The following ASTN1 variants were observed in gnomAD, a reference collection of about 807,000 sequenced individuals.
The protein encoded by ASTN1 is astrotactin-1.
In ASTN1, 41 loss-of-function variants were observed where a neutral mutation model predicts 140.7. That is an observed-to-expected ratio of 0.29 (90% confidence interval 0.23 to 0.38). ASTN1 has a LOEUF of 0.38. Among genes scored for constraint, ASTN1 ranks in the 10% least tolerant of loss-of-function variants. The pLI is 1.00. For missense variants in ASTN1, 1,479 were observed against 1,678.8 expected, an observed-to-expected ratio of 0.88 and a Z score of 2.08; for synonymous variants, 640 against 652.2, an observed-to-expected ratio of 0.98 and a Z score of 0.29.
chr1:176,867,349 G>T (rs1197794123), intron 22 of ASTN1, among the ~76,000 whole-genome samples: 1 of 152,082 alleles, frequency 6.6e-6, no homozygotes, highest in Non-Finnish European at 1.5e-5. Flanking sequence ...AGGAAAGGAG[G>T]GGGTGGAGAG....
At chr1:177,028,251 G>C (rs960677256) in intron 5 of ASTN1, among the ~76,000 whole-genome samples, 1 of 152,232 alleles carries the variant, frequency 6.6e-6, no homozygotes, top group Middle Eastern at 3.4e-3. Flanking sequence ...CTTTGATTAG[G>C]CCTGGATTAG....
chr1:177,088,818 A>G (rs1045818450), intron 1 of ASTN1, among the ~76,000 whole-genome samples: 2 of 152,132 alleles, frequency 1.3e-5, no homozygotes, highest in African/African-American at 4.8e-5. Flanking sequence ...ATATGCAAAC[A>G]CATATGGAGT....
chr1:176,876,561 C>G lies in ASTN1; in HGVS notation c.3439G>C (p.Val1147Leu). 6.2e-7 allele frequency: 1 copy of G among 1,614,162 alleles called. No homozygotes were observed. Among genetic ancestry groups the G allele is most frequent in the Non-Finnish European group, 8.5e-7 (1 of 1,180,018 alleles). Reference protein sequence around the residue: ...SDVIVKTPCPVVDDVKAQEIA... With the variant: ...SDVIVKTPCPLVDDVKAQEIA... ...CCTTGAGCCTTGACATCATCCACCA[C>G]GGGGCATGGGGTCTTCACGATCACG... Residue 1147 changes from valine to leucine, a missense_variant, in exon 21 of 23, where the codon GTG becomes CTG. Val to Leu is a conservative substitution (Grantham distance 32). Transcript: ENST00000361833.
chr1:177,020,059 G>C (rs890246235), intron 7 of ASTN1, among the ~76,000 whole-genome samples: 3 of 151,962 alleles, frequency 2.0e-5, no homozygotes, highest in African/African-American at 7.3e-5. Context: ...TTAATTTTTT[G>C]TATTTTTATT....
intron 8 of ASTN1, among the ~76,000 whole-genome samples, chr1:176,991,569 C>T (rs1252164714): frequency 1.3e-5 from 2 of 151,746 alleles, no homozygotes; most frequent in Admixed American, 6.6e-5. Flanking sequence ...AGGAGCCAGG[C>T]GACCTGATCG....
intron 4 of ASTN1, 53 bp from the exon 5 acceptor site, chr1:177,029,794 C>T (rs56297461): frequency 0.17 from 249,642 of 1,505,668 alleles, 22,276 homozygotes; most frequent in East Asian, 0.23. Context: ...GGTTTCATGA[C>T]ACCAAACCTT....
chr1:177,032,770 C>G lies in ASTN1; in HGVS notation c.551G>C (p.Arg184Pro), dbSNP rs534360400. ...LYTRRRWCKR[R>P]RVPQPQKSAS... is the part of the protein sequence containing the mutation. ...ACTCTTCTGGGGCTGCGGGACCCGG[C>G]GGCGTTTGCACCAGCGCCGGCGAGT... The change falls in exon 3 of 23, where the codon CGC becomes CCC. Residue 184 changes from arginine to proline, a missense_variant. Coordinates refer to ENST00000361833, the MANE Select transcript of ASTN1 (RefSeq NM_004319.3). The G allele has an allele frequency of 5.6e-6, 9 of 1,613,316 alleles. No homozygotes were observed. The highest frequency in any genetic ancestry group is 7.6e-6 in the Non-Finnish European group (9 of 1,180,006).
chr1:177,075,645 CTTTTT>C (rs5778927), intron 1 of ASTN1, among the ~76,000 whole-genome samples: 43 of 99,540 alleles, frequency 4.3e-4, no homozygotes, highest in South Asian at 3.1e-3. Flanking sequence ...CTTTTCTTTT[CTTTTT>C]TTTTTTTTTT....
chr1:176,959,065 T>C (rs908148455), intron 9 of ASTN1, among the ~76,000 whole-genome samples: 2 of 152,046 alleles, frequency 1.3e-5, no homozygotes, highest in African/African-American at 2.4e-5. Flanking sequence ...ACCCACACCA[T>C]TGGCTAAAGG....
chr1:177,005,350 A>G (rs1271308514), intron 8 of ASTN1, among the ~76,000 whole-genome samples: 5 of 152,236 alleles, frequency 3.3e-5, no homozygotes, highest in Non-Finnish European at 7.3e-5. Context: ...GATGTGGTGA[A>G]AAAGGAATGC....
intron 1 of ASTN1, among the ~76,000 whole-genome samples, chr1:177,139,542 T>A (rs1302157174): frequency 6.6e-6 from 1 of 152,236 alleles, no homozygotes; most frequent in African/African-American, 2.4e-5. Flanking sequence ...GAAGGCAGCC[T>A]TGTTAGAGCA....
chr1:177,000,483 G>C (rs1230046429), intron 8 of ASTN1, among the ~76,000 whole-genome samples: 1 of 152,158 alleles, frequency 6.6e-6, no homozygotes, highest in Non-Finnish European at 1.5e-5. Context: ...GAAGAGAAGA[G>C]CCAGCAGAGA....
intron 7 of ASTN1, among the ~76,000 whole-genome samples, chr1:177,022,320 A>G (rs957808965): frequency 4.6e-5 from 7 of 152,192 alleles, no homozygotes; most frequent in Admixed American, 1.3e-4. Flanking sequence ...AACTCCAGCA[A>G]CGTTTAGCTT....
Position 177,037,627 on chromosome 1 carries a change from G to A in ASTN1, c.472-4778C>T, listed in dbSNP as rs761642068. 5.9e-5 allele frequency among the ~76,000 whole-genome samples: 9 copies of A among 152,318 alleles called. No homozygotes were observed. The South Asian group carries it at 1.2e-3, about 21-fold the overall frequency. On this transcript the variant is annotated intron_variant, in intron 2 of 22. Coordinates refer to ENST00000361833, the MANE Select transcript of ASTN1 (RefSeq NM_004319.3). ...TCTGGATTCAGGCAACAAGTAACAA[G>A]TTGTAAACTCTGAACATTAAAAAAG... is the stretch of plus-strand genomic sequence containing the variant.
chr1:177,026,542 G>A (rs1023809043), intron 5 of ASTN1, among the ~76,000 whole-genome samples: 4 of 152,066 alleles, frequency 2.6e-5, no homozygotes, highest in African/African-American at 9.7e-5. Context: ...GGGATTGCTG[G>A]GTCATATGGC....
intron 1 of ASTN1, among the ~76,000 whole-genome samples, chr1:177,077,336 C>A (rs756034916): frequency 9.2e-5 from 14 of 152,062 alleles, no homozygotes; most frequent in Non-Finnish European, 2.9e-5. Context: ...GTGACGAGCA[C>A]GCTAGTTAGT....
intron 21 of ASTN1, 38 bp from the exon 22 acceptor site, chr1:176,869,065 A>G: frequency 1.5e-6 from 2 of 1,368,638 alleles, no homozygotes; most frequent in South Asian, 1.6e-5. Flanking sequence ...TTATTTACAT[A>G]TATATAATAA....
At chr1:177,130,128 T>A (rs928940905) in intron 1 of ASTN1, among the ~76,000 whole-genome samples, 1 of 152,212 alleles carries the variant, frequency 6.6e-6, no homozygotes, top group Non-Finnish European at 1.5e-5. Flanking sequence ...AAACCTTACT[T>A]TGTAAACTCA....
At chr1:177,075,364 G>A (rs895866059) in intron 1 of ASTN1, among the ~76,000 whole-genome samples, 7 of 150,904 alleles carry the variant, frequency 4.6e-5, no homozygotes, top group African/African-American at 1.2e-4. Context: ...GAGCCACTGC[G>A]CCCAGCCATT....
Sources: allele counts gnomAD v4.1 joint callset (sites outside exome capture counted in the v4.1 genomes callset), GRCh38; gene constraint gnomAD v4.1.1; transcripts MANE v1.5; gene names NCBI Gene and HGNC (gene_info 2026-07-23, HGNC 2026-07-21).